CACNA2D1: variants seen among roughly 807,000 people sequenced by gnomAD.
CACNA2D1 encodes calcium voltage-gated channel auxiliary subunit alpha2delta 1.
Under a neutral mutation model 171.5 loss-of-function variants are expected in CACNA2D1, and 53 were observed. The observed-to-expected ratio is 0.31, with a 90% CI of 0.25 to 0.39. The LOEUF (loss-of-function observed/expected upper bound fraction) is 0.39. CACNA2D1 is among the 10% of genes least tolerant of loss of function. CACNA2D1 has a pLI of 1.00. For synonymous variants in CACNA2D1, 442 were observed against 443.1 expected, an observed-to-expected ratio of 1.00 and a Z score of 0.03; for missense variants, 903 against 1,299.8, an observed-to-expected ratio of 0.69 and a Z score of 4.69.
intron 6 of CACNA2D1, among the ~76,000 whole-genome samples, chr7:82,097,314 T>C (rs566035512): frequency 3.9e-5 from 6 of 152,214 alleles, no homozygotes; most frequent in Admixed American, 1.3e-4. Flanking sequence ...CATAATAAGC[T>C]GAAGTATGAA....
intron 36 of CACNA2D1, among the ~76,000 whole-genome samples, chr7:81,961,105 C>T (rs1794061534): frequency 6.6e-6 from 1 of 151,862 alleles, no homozygotes; most frequent in African/African-American, 2.4e-5. Context: ...TCTTCTTCCG[C>T]TATGGTAACA....
At chr7:82,432,452 G>C (rs6967334) in intron 1 of CACNA2D1, among the ~76,000 whole-genome samples, 44,776 of 152,182 alleles carry the variant, frequency 0.29, 8,027 homozygotes, top group South Asian at 0.55. Context: ...CAAGAGACCT[G>C]GGATGCCTCA....
intron 24 of CACNA2D1, among the ~76,000 whole-genome samples, chr7:81,978,340 C>T (rs958338542): frequency 6.6e-6 from 1 of 152,044 alleles, no homozygotes; most frequent in East Asian, 1.9e-4. Context: ...AACCCAAATG[C>T]TGATCAATGA....
At chr7:82,309,091 G>A (rs1458882078) in intron 3 of CACNA2D1, among the ~76,000 whole-genome samples, 1 of 152,110 alleles carries the variant, frequency 6.6e-6, no homozygotes, top group African/African-American at 2.4e-5. Context: ...ATAATCTTTG[G>A]TAAACAAAGC....
At chr7:82,285,891 C>T (rs1158345619) in intron 3 of CACNA2D1, among the ~76,000 whole-genome samples, 1 of 152,142 alleles carries the variant, frequency 6.6e-6, no homozygotes, top group Non-Finnish European at 1.5e-5. Flanking sequence ...GGGGTATGCA[C>T]ATGAATGAAT....
intron 4 of CACNA2D1, among the ~76,000 whole-genome samples, chr7:82,168,960 G>C (rs2129145128): frequency 6.6e-6 from 1 of 152,104 alleles, no homozygotes; most frequent in Middle Eastern, 3.4e-3. Flanking sequence ...CAGCACCAAG[G>C]GTATTATATC....
intron 7 of CACNA2D1, among the ~76,000 whole-genome samples, chr7:82,067,642 A>G (rs1178862113): frequency 1.3e-5 from 2 of 152,320 alleles, no homozygotes; most frequent in African/African-American, 4.8e-5. Context: ...GACACAATCA[A>G]TGTAACTGAA....
intron 10 of CACNA2D1, among the ~76,000 whole-genome samples, chr7:82,057,172 A>G (rs532419287): frequency 6.6e-6 from 1 of 152,326 alleles, no homozygotes; most frequent in African/African-American, 2.4e-5. Context: ...GAAACTTAAA[A>G]GCCAGTTAAC....
At chr7:82,066,080 C>T in intron 8 of CACNA2D1, among the ~76,000 whole-genome samples, 1 of 152,056 alleles carries the variant, frequency 6.6e-6, no homozygotes, top group Admixed American at 6.6e-5. Flanking sequence ...GGGGCCAATT[C>T]TCATTAGTTC....
At chr7:82,329,771 T>C (rs974889231) in intron 3 of CACNA2D1, among the ~76,000 whole-genome samples, 3 of 151,938 alleles carry the variant, frequency 2.0e-5, no homozygotes, top group Non-Finnish European at 1.5e-5. Context: ...GTAGCAAATG[T>C]CAGAAAAAAA....
At chr7:82,303,267 A>C (rs1437519367) in intron 3 of CACNA2D1, among the ~76,000 whole-genome samples, 3 of 152,026 alleles carry the variant, frequency 2.0e-5, no homozygotes, top group Non-Finnish European at 4.4e-5. Context: ...CTAAAAATAC[A>C]AAGTGCTGTG....
At chr7:82,186,034 G>A (rs1797700298) in intron 3 of CACNA2D1, among the ~76,000 whole-genome samples, 1 of 151,944 alleles carries the variant, frequency 6.6e-6, no homozygotes, top group African/African-American at 2.4e-5. Flanking sequence ...GTATACACCT[G>A]TAATCTCAGC....
intron 3 of CACNA2D1, among the ~76,000 whole-genome samples, chr7:82,253,820 C>A (rs1805958034): frequency 1.3e-5 from 2 of 152,100 alleles, no homozygotes; most frequent in Admixed American, 1.3e-4. Context: ...TTAGTATGTT[C>A]CCACATGGCT....
chr7:82,313,711 C>T (rs1212889680), intron 3 of CACNA2D1, among the ~76,000 whole-genome samples: 2 of 152,152 alleles, frequency 1.3e-5, no homozygotes, highest in East Asian at 3.9e-4. Flanking sequence ...ATGTGTATGC[C>T]TTTTCTCCTT....
At chr7:82,187,268 T>C (rs1056015715) in intron 3 of CACNA2D1, among the ~76,000 whole-genome samples, 1 of 152,152 alleles carries the variant, frequency 6.6e-6, no homozygotes, top group South Asian at 2.1e-4. Flanking sequence ...ATCCACATAA[T>C]AAATACATTT....
chr7:82,304,148 T>C (rs1003239349), intron 3 of CACNA2D1, among the ~76,000 whole-genome samples: 1 of 152,036 alleles, frequency 6.6e-6, no homozygotes, highest in Non-Finnish European at 1.5e-5. Flanking sequence ...TGCGTTATTA[T>C]CTTATTCCAG....
At chr7:82,186,581 G>A (rs149726991) in intron 3 of CACNA2D1, among the ~76,000 whole-genome samples, 2 of 152,254 alleles carry the variant, frequency 1.3e-5, no homozygotes, top group African/African-American at 2.4e-5. Context: ...ACAGAGGTAC[G>A]AGGGCGTTAC....
intron 3 of CACNA2D1, among the ~76,000 whole-genome samples, chr7:82,265,467 T>C (rs1807718647): frequency 6.6e-6 from 1 of 150,796 alleles, no homozygotes; most frequent in Non-Finnish European, 1.5e-5. Context: ...TCCTTCTATT[T>C]ATTTAACAAA....
intron 12 of CACNA2D1, among the ~76,000 whole-genome samples, chr7:82,031,697 T>C (rs1005260608): frequency 6.6e-6 from 1 of 151,996 alleles, no homozygotes; most frequent in Non-Finnish European, 1.5e-5. Flanking sequence ...TCCAAAAATT[T>C]TCATCAAACT....
Sources: gnomAD v4.1 joint callset for allele counts (sites outside exome capture counted in the v4.1 genomes callset) on GRCh38, gnomAD v4.1.1 for gene constraint, MANE v1.5 for transcripts, NCBI Gene and HGNC (gene_info 2026-07-23, HGNC 2026-07-21) for gene names.